Variants in ITPK1 observed in about 807,000 individuals in gnomAD.
The protein encoded by ITPK1 is inositol-tetrakisphosphate 1-kinase, also known as inositol 1,3,4-trisphosphate 5/6-kinase.
Under a neutral mutation model 45.3 loss-of-function variants are expected in ITPK1, and 21 were observed. The ratio of observed to expected loss-of-function variants is 0.46; its 90% confidence interval spans 0.33 to 0.67. The LOEUF (loss-of-function observed/expected upper bound fraction) is 0.67. Among genes scored for constraint, ITPK1 ranks in the 30% least tolerant of loss-of-function variants. ITPK1 has a pLI of 0.02. For missense variants in ITPK1, 474 were observed against 573.5 expected, an observed-to-expected ratio of 0.83 and a Z score of 1.77; for synonymous variants, 258 against 253.6, an observed-to-expected ratio of 1.02 and a Z score of -0.16.
chr14:93,033,568 G>C (rs1889167238), intron 3 of ITPK1, among the ~76,000 whole-genome samples: 1 of 152,164 alleles, frequency 6.6e-6, no homozygotes, highest in Non-Finnish European at 1.5e-5. Context: ...AGGACTGGTA[G>C]AGGAACAGTG....
chr14:93,106,955 A>G (rs1278899753), intron 2 of ITPK1, among the ~76,000 whole-genome samples: 1 of 143,168 alleles, frequency 7.0e-6, no homozygotes, highest in Non-Finnish European at 1.5e-5. Flanking sequence ...TTATTGATCC[A>G]CTAACATACT....
At chr14:93,096,176 C>A (rs1892071097) in intron 2 of ITPK1, among the ~76,000 whole-genome samples, 1 of 152,210 alleles carries the variant, frequency 6.6e-6, no homozygotes, top group Non-Finnish European at 1.5e-5. Flanking sequence ...GGGGCCTCTG[C>A]ACTTGCTAAA....
chr14:93,077,640 T>C (rs572381688), intron 2 of ITPK1, among the ~76,000 whole-genome samples: 5 of 152,212 alleles, frequency 3.3e-5, no homozygotes, highest in Non-Finnish European at 5.9e-5. Context: ...CATTTCTTAC[T>C]GTGGGCCCAG....
At chr14:93,031,769 A>T (rs1477648295) in intron 3 of ITPK1, among the ~76,000 whole-genome samples, 1 of 152,142 alleles carries the variant, frequency 6.6e-6, no homozygotes, top group Non-Finnish European at 1.5e-5. Context: ...TGGGATGTTT[A>T]TTTTTGCTGA....
intron 4 of ITPK1, among the ~76,000 whole-genome samples, chr14:93,010,746 C>T (rs569537427): frequency 3.8e-4 from 58 of 152,356 alleles, no homozygotes; most frequent in African/African-American, 1.3e-3. Flanking sequence ...ACATAAGCCA[C>T]GGTGACTGAT....
chr14:93,096,564 C>T (rs1362276809), intron 2 of ITPK1, among the ~76,000 whole-genome samples: 1 of 152,150 alleles, frequency 6.6e-6, no homozygotes, highest in African/African-American at 2.4e-5. Context: ...GAAACACACA[C>T]GAAGAACAAC....
rs989852307 is a variant in ITPK1, at chr14:93,111,528, T to C, written c.95+3541A>G. 9.2e-5 allele frequency among the ~76,000 whole-genome samples: 14 copies of C among 151,868 alleles called. No individual in the cohort carries two copies. The East Asian group carries it at 2.1e-3, about 23-fold the overall frequency. On this transcript the variant is annotated intron_variant, in intron 2 of 10. Transcript: ENST00000267615. ...GAGTTCGAGACCAGCCTGGACAACA[T>C]GGTAAAACTCCATCTCCACTAAAAA...
chr14:93,010,513 G>A (rs1331630196), intron 4 of ITPK1, among the ~76,000 whole-genome samples: 2 of 152,242 alleles, frequency 1.3e-5, no homozygotes, highest in Admixed American at 6.5e-5. Context: ...GGGCCAGCAG[G>A]TGAAGGGTGG....
chr14:93,101,485 G>A (rs1463635451), intron 2 of ITPK1, among the ~76,000 whole-genome samples: 1 of 152,162 alleles, frequency 6.6e-6, no homozygotes, highest in Non-Finnish European at 1.5e-5. Flanking sequence ...ATGAGCACAA[G>A]GTCACCTCTT....
chr14:93,035,142 G>A (rs1051671000), intron 3 of ITPK1, among the ~76,000 whole-genome samples: 1 of 152,268 alleles, frequency 6.6e-6, no homozygotes, highest in African/African-American at 2.4e-5. Context: ...TCACTAGGAT[G>A]CTGATCTGTG....
chr14:93,079,242 A>AGGAGCCACAGCAGTTCCTCT (rs1891345865), intron 2 of ITPK1, among the ~76,000 whole-genome samples: 1 of 152,248 alleles, frequency 6.6e-6, no homozygotes, highest in Non-Finnish European at 1.5e-5. Flanking sequence ...TTGATCTCCC[A>AGGAGCCACAGCAGTTCCTCT]GGAGCCACAG....
intron 7 of ITPK1, among the ~76,000 whole-genome samples, chr14:92,959,197 C>T (rs939014144): frequency 6.6e-6 from 1 of 152,206 alleles, no homozygotes; most frequent in Non-Finnish European, 1.5e-5. Context: ...GGGCTCTGCA[C>T]AGGGTCTGCT....
At chr14:93,092,711 C>G (rs9323885) in intron 2 of ITPK1, among the ~76,000 whole-genome samples, 10,016 of 152,254 alleles carry the variant, frequency 0.066, 1,088 homozygotes, top group African/African-American at 0.23. Context: ...GGGAACCCAG[C>G]CAAAGCTGGG....
chr14:93,049,657 T>A (rs1191638281), intron 3 of ITPK1, among the ~76,000 whole-genome samples: 1 of 142,900 alleles, frequency 7.0e-6, no homozygotes, highest in Non-Finnish European at 1.5e-5. Flanking sequence ...GGACTGAGGG[T>A]GGGAGAGCCC....
At chr14:92,953,644 G>A (rs1381798323) in intron 8 of ITPK1, among the ~76,000 whole-genome samples, 1 of 152,208 alleles carries the variant, frequency 6.6e-6, no homozygotes, top group Non-Finnish European at 1.5e-5. Flanking sequence ...AAGGCCCAGG[G>A]GGAGGAAGGG....
At chr14:92,954,764 A>T (rs1219664933) in intron 8 of ITPK1, among the ~76,000 whole-genome samples, 1 of 152,130 alleles carries the variant, frequency 6.6e-6, no homozygotes, top group Non-Finnish European at 1.5e-5. Flanking sequence ...TGGGAGGCGA[A>T]GGGGATGGGG....
intron 3 of ITPK1, among the ~76,000 whole-genome samples, chr14:93,052,563 C>T (rs969545763): frequency 6.6e-6 from 1 of 152,130 alleles, no homozygotes; most frequent in African/African-American, 2.4e-5. Flanking sequence ...CCAAAGGAAC[C>T]CCCAGTGGGG....
intron 3 of ITPK1, among the ~76,000 whole-genome samples, chr14:93,057,306 G>T (rs1002050796): frequency 6.6e-6 from 1 of 152,212 alleles, no homozygotes; most frequent in Non-Finnish European, 1.5e-5. Context: ...AACGTGGAGA[G>T]CTAGCTGTGT....
chr14:93,082,979 C>T (rs1056233311), intron 2 of ITPK1, among the ~76,000 whole-genome samples: 3 of 152,202 alleles, frequency 2.0e-5, no homozygotes, highest in African/African-American at 4.8e-5. Flanking sequence ...AGCTTTCTGT[C>T]GCTGGCCGCT....
Sources: allele counts gnomAD v4.1 joint callset (sites outside exome capture counted in the v4.1 genomes callset), GRCh38; gene constraint gnomAD v4.1.1; transcripts MANE v1.5; gene names NCBI Gene and HGNC (gene_info 2026-07-23, HGNC 2026-07-21).